KCNIP4: variants seen among roughly 807,000 people sequenced by gnomAD.
KCNIP4 encodes Kv channel-interacting protein 4.
Under a neutral mutation model 34.0 loss-of-function variants are expected in KCNIP4, and 12 were observed. The ratio of observed to expected loss-of-function variants is 0.35; its 90% CI spans 0.23 to 0.57. The LOEUF (loss-of-function observed/expected upper bound fraction) is 0.57, where lower values mean the gene tolerates loss of function less well. KCNIP4 is among the 20% of genes least tolerant of loss of function. KCNIP4 has a pLI of 0.83. For missense variants in KCNIP4, 238 were observed against 311.7 expected, an observed-to-expected ratio of 0.76 and a Z score of 1.78; for synonymous variants, 124 against 102.2, an observed-to-expected ratio of 1.21 and a Z score of -1.29.
chr4:21,447,722 T>C (rs1402882471), intron 1 of KCNIP4, among the ~76,000 whole-genome samples: 1 of 152,182 alleles, frequency 6.6e-6, no homozygotes, highest in Non-Finnish European at 1.5e-5. Flanking sequence ...ATGATCTCAC[T>C]CTCTGTCTTT....
At chr4:21,235,559 CT>C in intron 1 of KCNIP4, among the ~76,000 whole-genome samples, 1 of 152,314 alleles carries the variant, frequency 6.6e-6, no homozygotes, top group East Asian at 1.9e-4. Flanking sequence ...GAGATGCCAA[CT>C]TGACTGGCTT....
intron 3 of KCNIP4, among the ~76,000 whole-genome samples, chr4:20,805,293 C>T (rs548814122): frequency 4.8e-5 from 7 of 147,120 alleles, no homozygotes. Flanking sequence ...ACCTGGGATT[C>T]CCAAAGTGCT....
At chr4:21,338,872 A>G (rs978565566) in intron 1 of KCNIP4, among the ~76,000 whole-genome samples, 3 of 152,106 alleles carry the variant, frequency 2.0e-5, no homozygotes, top group Middle Eastern at 3.2e-3. Context: ...ATGAAACACA[A>G]ACTAATCTGA....
intron 1 of KCNIP4, among the ~76,000 whole-genome samples, chr4:21,454,083 C>T (rs1313188581): frequency 6.6e-6 from 1 of 152,078 alleles, no homozygotes; most frequent in Non-Finnish European, 1.5e-5. Context: ...AGCTAGAATA[C>T]ACTTTGTCAA....
chr4:20,779,180 G>A (rs969740436), intron 3 of KCNIP4, among the ~76,000 whole-genome samples: 2 of 152,158 alleles, frequency 1.3e-5, no homozygotes, highest in African/African-American at 2.4e-5. Flanking sequence ...AGTTAATTAA[G>A]CACTGTGGTT....
At chr4:21,028,231 T>C (rs1057083686) in intron 1 of KCNIP4, among the ~76,000 whole-genome samples, 1 of 152,268 alleles carries the variant, frequency 6.6e-6, no homozygotes, top group East Asian at 1.9e-4. Context: ...ATTTCTGTAA[T>C]AGCTTCCTAG....
intron 1 of KCNIP4, among the ~76,000 whole-genome samples, chr4:21,006,119 T>A (rs1738536219): frequency 6.6e-6 from 1 of 152,186 alleles, no homozygotes; most frequent in Admixed American, 6.5e-5. Flanking sequence ...CACGTCTATC[T>A]AACTTGAAAG....
chr4:21,940,731 G>A (rs549194227), intron 1 of KCNIP4, among the ~76,000 whole-genome samples: 3 of 152,046 alleles, frequency 2.0e-5, no homozygotes, highest in South Asian at 2.1e-4. Flanking sequence ...ATATATTCTC[G>A]CCTTTCTAAA....
chr4:21,136,596 T>A (rs547882402), intron 1 of KCNIP4, among the ~76,000 whole-genome samples: 71 of 152,196 alleles, frequency 4.7e-4, no homozygotes, highest in Non-Finnish European at 8.7e-4. Context: ...CTCCATTAGG[T>A]ACCTCTCAAA....
chr4:21,357,667 C>T (rs1352901627), intron 1 of KCNIP4, among the ~76,000 whole-genome samples: 1 of 152,132 alleles, frequency 6.6e-6, no homozygotes, highest in Non-Finnish European at 1.5e-5. Flanking sequence ...GGTCAGGAAA[C>T]AACAGATGCT....
chr4:21,554,842 T>C (rs1738864748), intron 1 of KCNIP4, among the ~76,000 whole-genome samples: 1 of 152,166 alleles, frequency 6.6e-6, no homozygotes, highest in South Asian at 2.1e-4. Context: ...GTAAATCTTA[T>C]TAATCTTCAT....
rs78049082 is a variant in KCNIP4, at chr4:21,181,306, A to G, written c.62-298597T>C. 1.8e-3 allele frequency among the ~76,000 whole-genome samples: 279 copies of G among 152,232 alleles called. 7 individuals are homozygous for G. In the East Asian group the frequency reaches 0.046, roughly 25 times the overall value. On this transcript the variant is annotated intron_variant, in intron 1 of 8. Transcript: ENST00000382152. ...TGATTAAGTGTCCATGCTTGGCTCCAAACATGGAAACTGGGAAGCTAAAAA... is the reference window on the plus strand; with the variant it reads ...TGATTAAGTGTCCATGCTTGGCTCCGAACATGGAAACTGGGAAGCTAAAAA...
intron 1 of KCNIP4, among the ~76,000 whole-genome samples, chr4:21,869,783 T>TAGACAGACAGACAGAC (rs1278922960): frequency 7.7e-5 from 11 of 143,768 alleles, no homozygotes; most frequent in African/African-American, 2.9e-4. Flanking sequence ...GATAGATAGA[T>TAGACAGACAGACAGAC]AGACAGACAG....
chr4:21,150,069 C>T (rs1017258203), intron 1 of KCNIP4, among the ~76,000 whole-genome samples: 21 of 152,152 alleles, frequency 1.4e-4, no homozygotes, highest in Non-Finnish European at 2.2e-4. Context: ...TTGCCTGTCA[C>T]GGTCAGTACG....
At chr4:20,961,861 A>T (rs980566397) in intron 1 of KCNIP4, among the ~76,000 whole-genome samples, 1 of 152,212 alleles carries the variant, frequency 6.6e-6, no homozygotes, top group Non-Finnish European at 1.5e-5. Context: ...ACATACTTTG[A>T]TTAGAAGTGA....
In KCNIP4 at chr4:21,171,181, C is replaced by G. The variant is rs11932968; in HGVS notation, c.62-288472G>C. Among the ~76,000 whole-genome samples, 946 of 152,302 alleles carry G rather than the reference C, an allele frequency of 6.2e-3. 8 individuals are homozygous for G. The highest frequency in any genetic ancestry group is 0.022 in the African/African-American group (898 of 41,564). ...CTTTCAGGTGGTTAAATGGCAAAAT[C>G]TAACTGCATCTATGACAAAGTGAGC... On this transcript the variant is annotated intron_variant, in intron 1 of 8. Coordinates refer to ENST00000382152, the MANE Select transcript of KCNIP4 (RefSeq NM_025221.6).
At chr4:21,766,492 G>A (rs186565281) in intron 1 of KCNIP4, among the ~76,000 whole-genome samples, 1 of 152,228 alleles carries the variant, frequency 6.6e-6, no homozygotes, top group Non-Finnish European at 1.5e-5. Flanking sequence ...TAAAATAAAT[G>A]TTTCCCAGGC....
chr4:21,892,063 C>A (rs1053724201), intron 1 of KCNIP4, among the ~76,000 whole-genome samples: 4 of 152,070 alleles, frequency 2.6e-5, no homozygotes, highest in African/African-American at 9.7e-5. Flanking sequence ...AATAGAAATA[C>A]GTACATGCTT....
chr4:20,944,865 C>A (rs115150071), intron 1 of KCNIP4, among the ~76,000 whole-genome samples: 1 of 53,842 alleles, frequency 1.9e-5, no homozygotes, highest in Non-Finnish European at 4.0e-5. Context: ...TTTCTGAGCA[C>A]GTGTTTATAC....
Sources: gnomAD v4.1 joint callset for allele counts (sites outside exome capture counted in the v4.1 genomes callset) on GRCh38, gnomAD v4.1.1 for gene constraint, MANE v1.5 for transcripts, NCBI Gene and HGNC (gene_info 2026-07-23, HGNC 2026-07-21) for gene names.